EEF1AKMT3: variants seen among roughly 807,000 people sequenced by gnomAD.
EEF1AKMT3 encodes eEF1A-KMT3.
In EEF1AKMT3, 17 loss-of-function variants were observed where a neutral mutation model predicts 17.8. The ratio of observed to expected loss-of-function variants is 0.96; its 90% CI spans 0.65 to 1.43. The LOEUF (loss-of-function observed/expected upper bound fraction) is 1.43. Ranked by LOEUF, EEF1AKMT3 falls within the 40% of genes most tolerant of loss-of-function variation. The probability of loss-of-function intolerance (pLI) is 0.00; values close to 1 mark genes in which losing one functional copy is unlikely to be tolerated. For missense variants in EEF1AKMT3, 244 were observed against 285.8 expected, an observed-to-expected ratio of 0.85 and a Z score of 1.06; for synonymous variants, 116 against 126.5, an observed-to-expected ratio of 0.92 and a Z score of 0.56.
rs1955514302 is a variant in EEF1AKMT3 at position 57,781,404 on chromosome 12, A to G, written c.*758A>G. On this transcript the variant is annotated 3_prime_UTR_variant, in exon 3 of 3. Transcript: ENST00000300209. ...AGAAAGAATTAAGCCTTAAAAATCT[A>G]TTGTGCAAGAACCCAACTTTTACTC... The G allele has an allele frequency of 6.6e-6, 1 of 151,160 alleles. No individual in the cohort carries two copies. Among genetic ancestry groups the G allele is most frequent in the South Asian group, 2.1e-4 (1 of 4,804 alleles). 9.4% of individuals were successfully genotyped at this position (151,160 alleles called of 1,614,324 possible).
chr12:57,774,211 T>C (rs1299218525), intron 2 of EEF1AKMT3, among the ~76,000 whole-genome samples: 1 of 152,232 alleles, frequency 6.6e-6, no homozygotes, highest in Non-Finnish European at 1.5e-5. Flanking sequence ...CCGGGCGCAG[T>C]GGCTCACACC....
At chr12:57,780,160 C>T in intron 2 of EEF1AKMT3, 95 bp from the exon 3 acceptor site, 2 of 1,484,308 alleles carry the variant, frequency 1.3e-6, no homozygotes, top group Non-Finnish European at 1.8e-6. Flanking sequence ...AGACATTGTC[C>T]TCTATGCTCT....
chr12:57,773,191 T>G (rs927894486), intron 2 of EEF1AKMT3, 63 bp downstream of exon 2: 1 of 1,494,450 alleles, frequency 6.7e-7, no homozygotes, highest in Non-Finnish European at 9.3e-7. Flanking sequence ...AATGGTCACT[T>G]CGTGGATCTT....
chr12:57,779,764 C>T (rs1193424333), intron 2 of EEF1AKMT3, among the ~76,000 whole-genome samples: 1 of 152,194 alleles, frequency 6.6e-6, no homozygotes, highest in East Asian at 1.9e-4. Context: ...ACACTTTTCT[C>T]CCCCTTCCAC....
chr12:57,777,769 G>A (rs1175200344), intron 2 of EEF1AKMT3, among the ~76,000 whole-genome samples: 1 of 151,978 alleles, frequency 6.6e-6, no homozygotes, highest in East Asian at 1.9e-4. Flanking sequence ...CCTGTAATCC[G>A]AGCACTTTGG....
At position 57,780,460 on chromosome 12, in the gene EEF1AKMT3, C is replaced by T. The variant is rs774129698; in HGVS notation, c.495C>T (p.Thr165=). 3.4e-5 allele frequency: 55 copies of T among 1,614,074 alleles called. No individual in the cohort carries two copies. Among genetic ancestry groups the T allele is most frequent in the Non-Finnish European group, 4.7e-5 (55 of 1,180,046 alleles). The change falls in exon 3 of 3, where the codon ACC becomes ACT. Residue 165 remains threonine, a synonymous_variant. Transcript: ENST00000300209. Reference sequence around the variant, plus strand: ...CCACCTTCCCTCTGCTGCTGGGGACCCTCCAACACCTGTGCAGGCCCCATG... The same window carrying T: ...CCACCTTCCCTCTGCTGCTGGGGACTCTCCAACACCTGTGCAGGCCCCATG... ...LEPTFPLLLG[T]LQHLCRPHGT...
In EEF1AKMT3 at chr12:57,780,367, G is replaced by A. The variant is rs1433380121; in HGVS notation, c.402G>A (p.Gly134=). 1.9e-6 allele frequency: 3 copies of A among 1,614,182 alleles called. No individual in the cohort carries two copies. The highest frequency in any genetic ancestry group is 2.5e-6 in the Non-Finnish European group (3 of 1,180,024). ...CCCAGGTGCGTGCCTTGTCCTGGGG[G>A]ATTGACCATCATGTCTTCCCTGCAA... ...GQAQVRALSW[G]IDHHVFPANY... is the part of the protein sequence containing the mutation. Residue 134 remains glycine (G), a synonymous_variant, in exon 3 of 3, where the codon GGG becomes GGA. Transcript: ENST00000300209.
In EEF1AKMT3 at chr12:57,780,731, T is replaced by A; in HGVS notation, c.*85T>A. 6.5e-7 allele frequency: 1 copy of A among 1,536,482 alleles called. No homozygotes were observed. Among genetic ancestry groups the A allele is most frequent in the Non-Finnish European group, 8.7e-7 (1 of 1,142,906 alleles). Reference sequence around the variant, plus strand: ...AACCATATTTCCAGAGCCACAAACATGAGGACCAAAAAGGATGGATTTCCC... The same window carrying A: ...AACCATATTTCCAGAGCCACAAACAAGAGGACCAAAAAGGATGGATTTCCC... On this transcript the variant is annotated 3_prime_UTR_variant, in exon 3 of 3. Transcript: ENST00000300209.
intron 2 of EEF1AKMT3, among the ~76,000 whole-genome samples, chr12:57,777,113 G>C (rs1955485393): frequency 6.6e-6 from 1 of 152,006 alleles, no homozygotes; most frequent in African/African-American, 2.4e-5. Context: ...CCCCCCACTT[G>C]TCACAAGACC....
rs1955448354 is a variant in EEF1AKMT3, at chr12:57,772,617, C to T, written c.-108C>T. The T allele has an allele frequency of 8.2e-7, 1 of 1,226,904 alleles. No homozygotes were observed. The highest frequency in any genetic ancestry group is 1.1e-6 in the Non-Finnish European group (1 of 899,072). The allele number at this position is 1,226,904 out of a possible 1,614,324, so 76.0% of individuals were successfully genotyped here. A position where few individuals can be genotyped will look rare whatever the true frequency, so the allele number is the denominator to read the frequency against. Reference sequence around the variant, plus strand: ...AGGGCAAACTCAGGGAGGCGGGGCTCGTTCCACAGGGACACCACGACGGCT... The same window carrying T: ...AGGGCAAACTCAGGGAGGCGGGGCTTGTTCCACAGGGACACCACGACGGCT... On this transcript the variant is annotated 5_prime_UTR_variant, in exon 1 of 3. Transcript: ENST00000300209. This position sits in a 1 kb window ranked among gnomAD's most constrained non-coding sequence, Gnocchi z 4.1.
Position 57,773,080 on chromosome 12 carries a change from G to T in EEF1AKMT3, c.241G>T (p.Glu81Ter). ...NVDFRGKKVIELGAGTGIVGI... is the reference protein window; with the variant it reads ...NVDFRGKKVI ...GGATTTCCGAGGCAAGAAGGTGATC[G>T]AACTGGGTGCGGGGACAGGCATCGT... Residue 81 changes from glutamate to a stop codon, truncating the protein, a stop_gained, in exon 2 of 3, where the codon GAA becomes TAA. Transcript: ENST00000300209. LOFTEE classifies it high-confidence loss of function. The T allele has an allele frequency of 6.2e-7, 1 of 1,614,098 alleles. No individual in the cohort carries two copies. Among genetic ancestry groups the T allele is most frequent in the South Asian group, 1.1e-5 (1 of 91,056 alleles).
At chr12:57,776,963 C>T (rs555637074) in intron 2 of EEF1AKMT3, among the ~76,000 whole-genome samples, 1 of 152,264 alleles carries the variant, frequency 6.6e-6, no homozygotes, top group East Asian at 1.9e-4. Context: ...TTTCTTATCT[C>T]TAATGATTGC....
intron 2 of EEF1AKMT3, among the ~76,000 whole-genome samples, chr12:57,775,121 A>G (rs1358349869): frequency 6.6e-6 from 1 of 150,864 alleles, no homozygotes; most frequent in Non-Finnish European, 1.5e-5. Context: ...AAAAAAAAAA[A>G]AAAAAAAAAA....
At position 57,775,376 on chromosome 12, in the gene EEF1AKMT3, C is replaced by CTT. The variant is rs199924829; in HGVS notation, c.289+2263_289+2264dup. ...CACCCAGTCCTATGAGTTAAATGTT[C>CTT]TTTTTTTTTTTTTTTTCCTTTTTGA... On this transcript the variant is annotated intron_variant, in intron 2 of 2. Coordinates refer to ENST00000300209, the MANE Select transcript of EEF1AKMT3 (RefSeq NM_015433.3). Among the ~76,000 whole-genome samples the CTT allele has an allele frequency of 4.7e-3, 643 of 136,520 alleles. 3 individuals are homozygous for CTT. Among genetic ancestry groups the CTT allele is most frequent in the Non-Finnish European group, 8.5e-3 (539 of 63,632 alleles). The allele number at this position is 136,520 out of a possible 152,430, so 89.6% of individuals were successfully genotyped here.
At chr12:57,780,234 T>C (rs572413749) in intron 2 of EEF1AKMT3, 21 bp from the exon 3 acceptor site, 3 of 1,606,898 alleles carry the variant, frequency 1.9e-6, no homozygotes, top group African/African-American at 2.7e-5. Flanking sequence ...ACTTGCATTT[T>C]TCCTCCTTCC....
intron 2 of EEF1AKMT3, among the ~76,000 whole-genome samples, chr12:57,773,574 T>C (rs964436846): frequency 1.3e-5 from 2 of 152,132 alleles, no homozygotes; most frequent in African/African-American, 4.8e-5. Context: ...ATTACAGGCT[T>C]GCGCTACCAT....
chr12:57,773,439 T>C (rs1595127229), intron 2 of EEF1AKMT3, among the ~76,000 whole-genome samples: 3 of 151,984 alleles, frequency 2.0e-5, no homozygotes, highest in South Asian at 4.2e-4. Flanking sequence ...TTTTTTTTGT[T>C]TTTTTGAGAC....
rs1955450482 is a variant in EEF1AKMT3 at position 57,772,768 on chromosome 12, T to C, written c.44T>C (p.Val15Ala). 1 of 1,613,986 alleles carries C rather than the reference T, an allele frequency of 6.2e-7. No homozygotes were observed. The highest frequency in any genetic ancestry group is 1.7e-5 in the Admixed American group (1 of 60,010). ...GATCCCGAATCTGAGTCGGAATCGGTGTTCCCGCGGGAGGTCGGGCTCTTT... is the reference window on the plus strand; with the variant it reads ...GATCCCGAATCTGAGTCGGAATCGGCGTTCCCGCGGGAGGTCGGGCTCTTT... ...GPDPESESES[V>A]FPREVGLFAD... The change falls in exon 1 of 3, where the codon GTG (valine) becomes GCG (alanine). Residue 15 changes from valine to alanine, a missense_variant. Val to Ala is a moderately conservative substitution (Grantham distance 64). Coordinates refer to ENST00000300209, the MANE Select transcript of EEF1AKMT3 (RefSeq NM_015433.3). The surrounding 1 kb of genome is among the most constrained non-coding windows in gnomAD (Gnocchi z 4.1).
chr12:57,776,025 T>A (rs1278845979), intron 2 of EEF1AKMT3, among the ~76,000 whole-genome samples: 1 of 152,234 alleles, frequency 6.6e-6, no homozygotes, highest in Admixed American at 6.5e-5. Flanking sequence ...CTGCTTTGAC[T>A]CCTTGTCCTC....
Sources: allele counts gnomAD v4.1 joint callset (sites outside exome capture counted in the v4.1 genomes callset), GRCh38; gene constraint gnomAD v4.1.1; non-coding constraint Gnocchi (gnomAD v3.1); transcripts MANE v1.5; gene names NCBI Gene and HGNC (gene_info 2026-07-23, HGNC 2026-07-21).